TBL1X: variants seen among roughly 807,000 people sequenced by gnomAD.
TBL1X encodes transducin beta like 1 X-linked.
TBL1X carries 10 observed loss-of-function variants against 50.7 expected under a neutral mutation model. That is an observed-to-expected ratio of 0.20 (90% CI 0.12 to 0.33). TBL1X has a LOEUF of 0.33. TBL1X is among the 10% of genes least tolerant of loss of function. TBL1X has a pLI of 1.00. For missense variants in TBL1X, 340 were observed against 504.4 expected (o/e 0.67, Z 3.12); for synonymous variants, 190 against 214.7 (o/e 0.88, Z 1.01).
intron 5 of TBL1X, among the ~76,000 whole-genome samples, chrX:9,670,344 C>G (rs1376759798): frequency 4.5e-5 from 5 of 111,052 alleles, no homozygotes; most frequent in Non-Finnish European, 9.4e-5. Context: ...GATTTCATCT[C>G]CAACCCAACC....
At chrX:9,656,130 C>G (rs2082863894) in intron 5 of TBL1X, among the ~76,000 whole-genome samples, 1 of 112,521 alleles carries the variant, frequency 8.9e-6, no homozygotes, top group African/African-American at 3.2e-5. Context: ...GAAATGATAA[C>G]CGCTCTGCTA....
chrX:9,492,313 T>G (rs1468231701), intron 1 of TBL1X, among the ~76,000 whole-genome samples: 1 of 110,851 alleles, frequency 9.0e-6, no homozygotes, highest in East Asian at 2.8e-4. Context: ...ACTAAGCTGG[T>G]GTGTCTGACA....
At chrX:9,565,318 T>C in intron 2 of TBL1X, among the ~76,000 whole-genome samples, 1 of 103,091 alleles carries the variant, frequency 9.7e-6, no homozygotes, top group East Asian at 3.0e-4. Flanking sequence ...TATTGCCCAC[T>C]CAGCAGTGCC....
chrX:9,654,620 C>T (rs1366530212), intron 5 of TBL1X, among the ~76,000 whole-genome samples: 1 of 111,280 alleles, frequency 9.0e-6, no homozygotes, highest in Non-Finnish European at 1.9e-5. Flanking sequence ...TCCACCTCGG[C>T]GAGGGCATGC....
intron 2 of TBL1X, among the ~76,000 whole-genome samples, chrX:9,529,161 C>T (rs186116651): frequency 6.2e-5 from 7 of 112,015 alleles, no homozygotes; most frequent in East Asian, 2.8e-4. Context: ...GTGTGAACCA[C>T]GGCCCATATT....
At chrX:9,590,524 A>G (rs2082494661) in intron 2 of TBL1X, among the ~76,000 whole-genome samples, 2 of 112,205 alleles carry the variant, frequency 1.8e-5, no homozygotes, top group African/African-American at 6.5e-5. Flanking sequence ...ACAAATCTTC[A>G]TACTAAAACA....
chrX:9,626,006 A>G (rs916053645), intron 2 of TBL1X, among the ~76,000 whole-genome samples: 6 of 111,809 alleles, frequency 5.4e-5, no homozygotes, highest in African/African-American at 2.0e-4. Flanking sequence ...TTAGGGTCAG[A>G]CGACCTGGGA....
intron 2 of TBL1X, among the ~76,000 whole-genome samples, chrX:9,627,456 T>G (rs1376212593): frequency 1.8e-5 from 2 of 112,189 alleles, no homozygotes; most frequent in Non-Finnish European, 3.8e-5. Context: ...CCAAGACTTA[T>G]CTGAGTCAGG....
chrX:9,588,468 A>G (rs1192718417), intron 2 of TBL1X, among the ~76,000 whole-genome samples: 1 of 111,982 alleles, frequency 8.9e-6, no homozygotes, highest in Non-Finnish European at 1.9e-5. Context: ...CAAAATATTA[A>G]TTTTAAGTAA....
intron 2 of TBL1X, among the ~76,000 whole-genome samples, chrX:9,603,107 G>A (rs1047144488): frequency 3.6e-5 from 4 of 112,283 alleles, no homozygotes; most frequent in Non-Finnish European, 7.5e-5. Context: ...TTCCAGAAGT[G>A]TATCCTTCTC....
intron 2 of TBL1X, among the ~76,000 whole-genome samples, chrX:9,587,617 A>C (rs2082477075): frequency 9.0e-6 from 1 of 111,564 alleles, no homozygotes; most frequent in African/African-American, 3.3e-5. Context: ...AAGATAAATT[A>C]TCTGTGTGTA....
At chrX:9,516,327 TAAAAC>T (rs1440011350) in intron 2 of TBL1X, among the ~76,000 whole-genome samples, 4 of 111,594 alleles carry the variant, frequency 3.6e-5, no homozygotes, top group East Asian at 2.8e-4. Flanking sequence ...TTCTCCAAAA[TAAAAC>T]AAAAGAGAGA....
chrX:9,678,111 A>G (rs923879174), intron 5 of TBL1X, among the ~76,000 whole-genome samples: 2 of 111,413 alleles, frequency 1.8e-5, no homozygotes, highest in South Asian at 3.7e-4. Context: ...TGTGTTTGTT[A>G]TATTGCAGTG....
chrX:9,528,961 T>C (rs922414056), intron 2 of TBL1X, among the ~76,000 whole-genome samples: 1 of 111,915 alleles, frequency 8.9e-6, no homozygotes, highest in African/African-American at 3.2e-5. Flanking sequence ...GACACCAAAT[T>C]CTATCCCACC....
At chrX:9,679,325 A>G (rs1484297510) in intron 5 of TBL1X, among the ~76,000 whole-genome samples, 2 of 110,827 alleles carry the variant, frequency 1.8e-5, no homozygotes, top group Non-Finnish European at 3.8e-5. Flanking sequence ...GCTGCTCAAC[A>G]TCGTACAATG....
At chrX:9,713,339 A>G (rs1405952989) in intron 16 of TBL1X, among the ~76,000 whole-genome samples, 1 of 110,903 alleles carries the variant, frequency 9.0e-6, no homozygotes, top group Non-Finnish European at 1.9e-5. Context: ...AAACAATGAC[A>G]TGATCAGTTA....
chrX:9,679,421 TC>T (rs1414849504), intron 5 of TBL1X, among the ~76,000 whole-genome samples: 2 of 111,165 alleles, frequency 1.8e-5, no homozygotes, highest in Admixed American at 9.5e-5. Flanking sequence ...GTCAAGAGAT[TC>T]ATCAGGAATA....
chrX:9,592,821 GA>G (rs2082507886), intron 2 of TBL1X, among the ~76,000 whole-genome samples: 1 of 112,251 alleles, frequency 8.9e-6, no homozygotes, highest in Non-Finnish European at 1.9e-5. Flanking sequence ...TTTTGTGGCC[GA>G]ATACTAATCC....
At chrX:9,638,446 A>T (rs953911601) in intron 2 of TBL1X, among the ~76,000 whole-genome samples, 1 of 112,317 alleles carries the variant, frequency 8.9e-6, no homozygotes, top group Non-Finnish European at 1.9e-5. Context: ...TCTAGCAATA[A>T]ACTAATTATT....
Sources: allele counts gnomAD v4.1 joint callset (sites outside exome capture counted in the v4.1 genomes callset), GRCh38; gene constraint gnomAD v4.1.1; transcripts MANE v1.5; gene names NCBI Gene and HGNC (gene_info 2026-07-23, HGNC 2026-07-21).